The following LAMC2 variants were observed in gnomAD, a reference collection of about 807,000 sequenced individuals.
LAMC2 encodes the protein laminin subunit gamma-2.
In LAMC2, 97 loss-of-function variants were observed where a neutral mutation model predicts 140.2. That is an observed-to-expected ratio of 0.69 (90% CI 0.59 to 0.82). The LOEUF is 0.82. LAMC2 is among the 40% of genes least tolerant of loss of function. The pLI is 0.00. For missense variants in LAMC2, 1,402 were observed against 1,476.1 expected (o/e 0.95, Z 0.82); for synonymous variants, 513 against 540.2 (o/e 0.95, Z 0.70).
chr1:183,219,773 C>T (rs1286787095), intron 4 of LAMC2, among the ~76,000 whole-genome samples: 1 of 152,250 alleles, frequency 6.6e-6, no homozygotes, highest in Non-Finnish European at 1.5e-5. Flanking sequence ...ACCTGCTCTT[C>T]ACAGCTACCC....
In LAMC2 at chr1:183,244,534, T is replaced by C. The variant is rs1281779094; in HGVS notation, c.*1134T>C. The C allele has an allele frequency of 6.6e-6, 1 of 152,666 alleles. No individual in the cohort carries two copies. Among genetic ancestry groups the C allele is most frequent in the African/African-American group, 2.4e-5 (1 of 41,456 alleles). The allele number at this position is 152,666 out of a possible 1,614,324, so 9.5% of individuals were successfully genotyped here. On this transcript the variant is annotated 3_prime_UTR_variant, in exon 23 of 23. Transcript: ENST00000264144. ...GATTGTCTAGTGAGGAAGACAAGCA[T>C]TTTTAAAAAATAAATTTAAACTTAC...
At chr1:183,225,031 G>C (rs1470112957) in intron 7 of LAMC2, among the ~76,000 whole-genome samples, 1 of 149,324 alleles carries the variant, frequency 6.7e-6, no homozygotes, top group Non-Finnish European at 1.5e-5. Flanking sequence ...TGAATGAAAC[G>C]AAGGTGGGTA....
intron 4 of LAMC2, among the ~76,000 whole-genome samples, chr1:183,219,770 C>T (rs765525800): frequency 1.3e-5 from 2 of 152,364 alleles, no homozygotes; most frequent in East Asian, 1.9e-4. Context: ...AGCACCTGCT[C>T]TTCACAGCTA....
At chr1:183,215,225 C>A (rs1659214161) in intron 2 of LAMC2, among the ~76,000 whole-genome samples, 1 of 152,116 alleles carries the variant, frequency 6.6e-6, no homozygotes, top group African/African-American at 2.4e-5. Flanking sequence ...CAGACAAAGA[C>A]AAATGCTTTT....
Position 183,187,280 on chromosome 1 carries a change from T to C in LAMC2, c.79+849T>C, listed in dbSNP as rs117000371. Among the ~76,000 whole-genome samples the C allele has an allele frequency of 3.3e-3, 501 of 152,356 alleles. 8 individuals are homozygous for C. The highest frequency in any genetic ancestry group is 0.023 in the East Asian group (121 of 5,190). On this transcript the variant is annotated intron_variant, in intron 1 of 22. Coordinates refer to ENST00000264144, the MANE Select transcript of LAMC2 (RefSeq NM_005562.3). ...ATTTCCACACAAGTGCATGCATGAA[T>C]ATGAGATAATGCTCACATGCACATG...
intron 1 of LAMC2, among the ~76,000 whole-genome samples, chr1:183,193,823 GTA>G (rs1453131595): frequency 7.2e-6 from 1 of 138,868 alleles, no homozygotes; most frequent in Non-Finnish European, 1.6e-5. Context: ...ACTCCCTGAT[GTA>G]GTCTTCATGG....
chr1:183,213,629 G>A (rs1022034664), intron 2 of LAMC2, among the ~76,000 whole-genome samples: 9 of 150,354 alleles, frequency 6.0e-5, no homozygotes, highest in East Asian at 3.9e-4. Context: ...GTGAAATCCC[G>A]TCTCTACTAA....
At chr1:183,252,331 C>T in the LAMC2 span, 4 of 333,688 alleles carry the variant, frequency 1.2e-5, no homozygotes, top group African/African-American at 8.6e-5. Flanking sequence ...GGAGGATGGG[C>T]ACCAGAGCCG....
intron 1 of LAMC2, among the ~76,000 whole-genome samples, chr1:183,188,605 T>A (rs969826023): frequency 6.6e-6 from 1 of 152,206 alleles, no homozygotes; most frequent in Non-Finnish European, 1.5e-5. Flanking sequence ...TTCAACCTTG[T>A]AGAGTTTTTG....
chr1:183,186,560 TC>T, intron 1 of LAMC2, 129 bp downstream of exon 1: 2 of 959,200 alleles, frequency 2.1e-6, no homozygotes, highest in Admixed American at 4.5e-5. Context: ...AGCTCCCTTC[TC>T]CTCCCCTATC....
At chr1:183,211,722 G>A (rs187377953) in intron 2 of LAMC2, among the ~76,000 whole-genome samples, 1 of 152,206 alleles carries the variant, frequency 6.6e-6, no homozygotes, top group Admixed American at 6.5e-5. Flanking sequence ...GCCCAGGCTG[G>A]TCTCAAATTC....
In LAMC2 at chr1:183,237,327, C is replaced by A. The variant is rs753090762; in HGVS notation, c.2602-25C>A. The A allele has an allele frequency of 7.4e-6, 12 of 1,613,510 alleles. No homozygotes were observed. The South Asian group carries it at 1.1e-4, about 15-fold the overall frequency. On this transcript the variant is annotated intron_variant, in intron 17 of 22. Transcript: ENST00000264144. ...TGGTAACTGGTAAGCAGAAGTCAGA[C>A]TCCCTGGTTTCTTTGGGCTCATAGG...
intron 20 of LAMC2, 152 bp from the exon 21 acceptor site, chr1:183,239,888 C>A: frequency 1.1e-6 from 1 of 891,560 alleles, no homozygotes; most frequent in Non-Finnish European, 1.8e-6. Flanking sequence ...TGGCAAAGTA[C>A]CCCTGTCCCT....
intron 16 of LAMC2, 122 bp downstream of exon 16, chr1:183,235,852 G>A: frequency 2.1e-6 from 2 of 961,862 alleles, no homozygotes; most frequent in Admixed American, 2.3e-5. Context: ...GATAATAAGA[G>A]GGCCGAAATC....
At chr1:183,229,437 G>C (rs1241053609) in intron 11 of LAMC2, among the ~76,000 whole-genome samples, 2 of 152,028 alleles carry the variant, frequency 1.3e-5, no homozygotes, top group Admixed American at 6.6e-5. Flanking sequence ...GTGAGTTCAA[G>C]ACCAGCCTGG....
chr1:183,208,741 G>A (rs1220435703), intron 2 of LAMC2, among the ~76,000 whole-genome samples: 1 of 152,224 alleles, frequency 6.6e-6, no homozygotes, highest in Admixed American at 6.5e-5. Context: ...GTGCAGTGGT[G>A]CCATCTCGGC....
chr1:183,225,608 G>T lies in LAMC2; in HGVS notation c.954G>T (p.Arg318Ser). Residue 318 changes from arginine to serine, a missense_variant and splice_region_variant, in exon 8 of 23, where the codon AGG (arginine) becomes AGT (serine). This residue lies in a region of LAMC2 where 723 missense variants were observed against 783.3 expected (regional missense o/e 0.92). Coordinates refer to ENST00000264144, the MANE Select transcript of LAMC2 (RefSeq NM_005562.3). ...AAGCTTTTGATTTTAAATTATGCAG[G>T]TTAAATGAGCATCCAAGCAATAATT... The part of the protein sequence containing the change: ...PCGLTKTYTF[R>S]LNEHPSNNWS... The T allele has an allele frequency of 6.2e-7, 1 of 1,602,258 alleles. No homozygotes were observed. Among genetic ancestry groups the T allele is most frequent in the Non-Finnish European group, 8.6e-7 (1 of 1,169,228 alleles).
chr1:183,243,539 T>C lies in LAMC2; in HGVS notation c.*139T>C. 9.5e-7 allele frequency: 1 copy of C among 1,053,234 alleles called. No individual in the cohort carries two copies. Among genetic ancestry groups the C allele is most frequent in the South Asian group, 1.3e-5 (1 of 75,600 alleles). 65.2% of individuals were successfully genotyped at this position (1,053,234 alleles called of 1,614,324 possible). A position where few individuals can be genotyped will look rare whatever the true frequency, so the allele number is the denominator to read the frequency against. ...CTCAGGTCAACTGACCTGACCCCAT[T>C]CCTGATCCCATGGCCAGGTGGTTGT... On this transcript the variant is annotated 3_prime_UTR_variant, in exon 23 of 23. Transcript: ENST00000264144.
chr1:183,240,590 T>G, intron 22 of LAMC2, 199 bp downstream of exon 22: 1 of 1,435,338 alleles, frequency 7.0e-7, no homozygotes, highest in Admixed American at 2.9e-5. Context: ...GTTGCTAAGA[T>G]GGGTCACTGA....
Sources: gnomAD v4.1 joint callset for allele counts (sites outside exome capture counted in the v4.1 genomes callset) on GRCh38, gnomAD v4.1.1 for gene constraint, gnomAD v4.1.1 regional missense constraint, MANE v1.5 for transcripts, NCBI Gene and HGNC (gene_info 2026-07-23, HGNC 2026-07-21) for gene names.